Variants in RNF207 observed in about 807,000 individuals in gnomAD.
RNF207 encodes OTTHUMG00000001089.
In RNF207, 72 loss-of-function variants were observed where a neutral mutation model predicts 79.0. The ratio of observed to expected loss-of-function variants is 0.91; its 90% confidence interval spans 0.75 to 1.11. RNF207 has a LOEUF of 1.11. Among genes scored for constraint, RNF207 ranks in the 50% least tolerant of loss-of-function variants. The pLI is 0.00. For missense variants in RNF207, 936 were observed against 855.8 expected, an observed-to-expected ratio of 1.09 and a Z score of -1.17; for synonymous variants, 348 against 366.2, an observed-to-expected ratio of 0.95 and a Z score of 0.57.
intron 16 of RNF207, among the ~76,000 whole-genome samples, chr1:6,215,700 G>A (rs532483832): frequency 2.6e-5 from 4 of 152,176 alleles, no homozygotes; most frequent in East Asian, 1.9e-4. Context: ...TCGCTCTGCC[G>A]CCCAGGCTGG....
chr1:6,207,879 C>G lies in RNF207; in HGVS notation c.324+368C>G, dbSNP rs1468888570. 2 of 419,232 alleles carry G rather than the reference C, an allele frequency of 4.8e-6. No homozygotes were observed. The highest frequency in any genetic ancestry group is 6.0e-5 in the East Asian group (1 of 16,792). The allele number at this position is 419,232 out of a possible 1,614,324, so 26.0% of individuals were successfully genotyped here. A position where few individuals can be genotyped will look rare whatever the true frequency, so the allele number is the denominator to read the frequency against. The stretch of plus-strand genomic sequence containing the variant: ...CCAAGTGGCATAGAAGCAGCTACAG[C>G]CCAGGGGAGGTGGGGACAGCATGCT... On this transcript the variant is annotated intron_variant, in intron 3 of 17. Transcript: ENST00000377939. The surrounding 1 kb of genome is among the most constrained non-coding windows in gnomAD (Gnocchi z 4.5).
chr1:6,209,501 G>T lies in RNF207; in HGVS notation c.715G>T (p.Glu239Ter). The T allele has an allele frequency of 1.4e-6, 2 of 1,477,748 alleles. No individual in the cohort carries two copies. Among genetic ancestry groups the T allele is most frequent in the Non-Finnish European group, 1.8e-6 (2 of 1,123,390 alleles). 91.5% of individuals were successfully genotyped at this position (1,477,748 alleles called of 1,614,324 possible). A position where few individuals can be genotyped will look rare whatever the true frequency, so the allele number is the denominator to read the frequency against. The part of the protein sequence containing the change: ...VEEVRHSAAE[E>*]EDAIHALFGS... ...GGAGGTGCGGCACAGCGCCGCCGAG[G>T]AGGAGGACGCTATCCACGCCCTCTT... The change falls in exon 7 of 18, where the codon GAG becomes TAG. Residue 239 changes from glutamate (E) to a stop codon, truncating the protein, a stop_gained. Transcript: ENST00000377939. LOFTEE classifies it high-confidence loss of function.
Position 6,206,548 on chromosome 1 carries a change from A to C in RNF207, c.13A>C (p.Ile5Leu). Reference sequence around the variant, plus strand: ...GCTGTCGCTGCAGATGTCGGGAGCTATCTTCGGGCCCCTGGAGGGCCCGAG... The same window carrying C: ...GCTGTCGCTGCAGATGTCGGGAGCTCTCTTCGGGCCCCTGGAGGGCCCGAG... MSGA[I>L]FGPLEGPSSL... The change falls in exon 2 of 18, where the codon ATC becomes CTC. Residue 5 changes from isoleucine to leucine, a missense_variant. Physicochemically the swap from Ile to Leu is conservative, Grantham distance 5 (BLOSUM62 2). Coordinates refer to ENST00000377939, the MANE Select transcript of RNF207 (RefSeq NM_207396.3). The C allele has an allele frequency of 6.3e-7, 1 of 1,582,982 alleles. No homozygotes were observed. The highest frequency in any genetic ancestry group is 1.1e-5 in the South Asian group (1 of 89,366).
intron 8 of RNF207, 60 bp from the exon 9 acceptor site, chr1:6,210,163 G>A (rs1004201082): frequency 1.3e-5 from 19 of 1,469,256 alleles, no homozygotes; most frequent in Non-Finnish European, 1.7e-5. Flanking sequence ...GCGGGTGGGG[G>A]ATGGAACTGC....
chr1:6,216,220 G>A (rs1668355593), intron 16 of RNF207, among the ~76,000 whole-genome samples: 1 of 152,164 alleles, frequency 6.6e-6, no homozygotes, highest in Admixed American at 6.5e-5. Flanking sequence ...ACTGGAAGGG[G>A]ACATGAAGGG....
intron 16 of RNF207, among the ~76,000 whole-genome samples, 180 bp from the exon 17 acceptor site, chr1:6,218,109 G>A (rs928172772): frequency 9.2e-5 from 14 of 152,380 alleles, no homozygotes; most frequent in South Asian, 4.1e-4. Flanking sequence ...TCTCCTGCAC[G>A]CCATGCAGGC....
chr1:6,214,504 C>T (rs12065613), intron 16 of RNF207, among the ~76,000 whole-genome samples: 3 of 151,206 alleles, frequency 2.0e-5, no homozygotes, highest in Admixed American at 6.6e-5. Context: ...CTGGGTTCAA[C>T]TGATTCTCCT....
Position 6,219,308 on chromosome 1 carries a change from C to T in RNF207, c.1806C>T (p.Asn602=), listed in dbSNP as rs1423488370. The change falls in exon 18 of 18, where the codon AAC becomes AAT. Residue 602 remains asparagine, a synonymous_variant. Coordinates refer to ENST00000377939, the MANE Select transcript of RNF207 (RefSeq NM_207396.3). ...SEPKGNSWAP[N]GLSEEPLLKN... is the part of the protein sequence containing the mutation. ...CTAAAGGAAACAGCTGGGCTCCGAA[C>T]GGCCTCTCAGAAGAGCCTCTACTGA... 1.9e-5 allele frequency: 31 copies of T among 1,613,118 alleles called. No individual in the cohort carries two copies. The highest frequency in any genetic ancestry group is 2.4e-5 in the Non-Finnish European group (28 of 1,179,482).
chr1:6,210,799 C>T (rs1473832218), intron 10 of RNF207, 71 bp from the exon 11 acceptor site: 18 of 1,358,084 alleles, frequency 1.3e-5, no homozygotes, highest in Non-Finnish European at 1.1e-5. Context: ...CGTGCTCCGC[C>T]TCCATCTCCC....
chr1:6,212,003 G>A lies in RNF207; in HGVS notation c.1246G>A (p.Glu416Lys), dbSNP rs199839801. 106 of 1,592,118 alleles carry A rather than the reference G, an allele frequency of 6.7e-5. No homozygotes were observed. Among genetic ancestry groups the A allele is most frequent in the South Asian group, 7.9e-5 (7 of 88,358 alleles). The change falls in exon 13 of 18, where the codon GAG becomes AAG. Residue 416 changes from glutamate (E) to lysine (K), a missense_variant. By Grantham distance (56) the Glu-to-Lys change is moderately conservative. Coordinates refer to ENST00000377939, the MANE Select transcript of RNF207 (RefSeq NM_207396.3). Reference sequence around the variant, plus strand: ...CACCAAGGTGCTGCTGGCGGAGGGCGAGAACACGCCCTTCGCAGAGCACTG... The same window carrying A: ...CACCAAGGTGCTGCTGGCGGAGGGCAAGAACACGCCCTTCGCAGAGCACTG... ...ISTKVLLAEG[E>K]NTPFAEHCRH...
rs1381077868 is a variant in RNF207 at position 6,207,470 on chromosome 1, G to A, written c.283G>A (p.Ala95Thr). 3 of 1,594,294 alleles carry A rather than the reference G, an allele frequency of 1.9e-6. No individual in the cohort carries two copies. Among genetic ancestry groups the A allele is most frequent in the South Asian group, 2.3e-5 (2 of 87,720 alleles). ...GGACAGCTCAGGGGATGGCGTGGAG[G>A]CGGTGCGCTGTGCCAACTGTGACCT... ...LVDSSGDGVE[A>T]VRCANCDLEC... is the part of the protein sequence containing the mutation. The change falls in exon 3 of 18, where the codon GCG becomes ACG. Residue 95 changes from alanine to threonine, a missense_variant. Ala to Thr is a moderately conservative substitution (Grantham distance 58). Transcript: ENST00000377939. The surrounding 1 kb of genome is among the most constrained non-coding windows in gnomAD (Gnocchi z 4.5).
rs780572321 is a variant in RNF207, at chr1:6,210,206, C to A, written c.801-17C>A. ...TGCTCCTGGCCCCCTGGAAACCAGG[C>A]AGCCCCCCTCCCCCAGCCAATACGA... On this transcript the variant is annotated splice_polypyrimidine_tract_variant and intron_variant, in intron 8 of 17. Transcript: ENST00000377939. 1.9e-6 allele frequency: 3 copies of A among 1,607,650 alleles called. No individual in the cohort carries two copies. The highest frequency in any genetic ancestry group is 1.1e-5 in the South Asian group (1 of 90,666).
chr1:6,209,853 C>CCG (rs1553147837), intron 7 of RNF207, 71 bp from the exon 8 acceptor site: 3 of 1,490,208 alleles, frequency 2.0e-6, no homozygotes, highest in African/African-American at 2.8e-5. Flanking sequence ...GGCTGGGGTC[C>CCG]GGGGGGTAGG....
At chr1:6,214,292 C>T (rs1033408186) in intron 16 of RNF207, among the ~76,000 whole-genome samples, 1 of 152,174 alleles carries the variant, frequency 6.6e-6, no homozygotes, top group Non-Finnish European at 1.5e-5. Context: ...TCTCTTTGCT[C>T]CCAGTGTTCT....
At position 6,207,367 on chromosome 1, in the gene RNF207, G is replaced by A; in HGVS notation, c.192-12G>A. On this transcript the variant is annotated splice_polypyrimidine_tract_variant and intron_variant, in intron 2 of 17. Coordinates refer to ENST00000377939, the MANE Select transcript of RNF207 (RefSeq NM_207396.3). The surrounding 1 kb of genome is among the most constrained non-coding windows in gnomAD (Gnocchi z 4.5). ...GGGGTATCAGAATCTCGGGGCCTGG[G>A]CTTCTCTGCAGACACCAGACGGTGC... The A allele has an allele frequency of 1.3e-5, 20 of 1,502,444 alleles. No individual in the cohort carries two copies. Among genetic ancestry groups the A allele is most frequent in the Non-Finnish European group, 1.7e-5 (19 of 1,125,790 alleles). The allele number at this position is 1,502,444 out of a possible 1,614,324, so 93.1% of individuals were successfully genotyped here.
Position 6,208,869 on chromosome 1 carries a change from C to T in RNF207, c.325-12C>T, listed in dbSNP as rs759787374. 2.0e-6 allele frequency: 3 copies of T among 1,523,264 alleles called. No individual in the cohort carries two copies. The highest frequency in any genetic ancestry group is 2.8e-5 in the African/African-American group (2 of 71,170). The allele number at this position is 1,523,264 out of a possible 1,614,324, so 94.4% of individuals were successfully genotyped here. A position where few individuals can be genotyped will look rare whatever the true frequency, so the allele number is the denominator to read the frequency against. ...GGGCTCTGGCGCTCCTGAGCCCGCG[C>T]TCGGCCCGCAGGACGTGGAGACCAC... On this transcript the variant is annotated splice_polypyrimidine_tract_variant and intron_variant, in intron 3 of 17. Coordinates refer to ENST00000377939, the MANE Select transcript of RNF207 (RefSeq NM_207396.3).
Position 6,210,917 on chromosome 1 carries a change from A to T in RNF207, c.990A>T (p.Leu330=), listed in dbSNP as rs565050335. 19 of 1,606,954 alleles carry T rather than the reference A, an allele frequency of 1.2e-5. No individual in the cohort carries two copies. The South Asian group carries it at 2.0e-4, about 17-fold the overall frequency. The part of the protein sequence containing the change: ...LQGIVTRPHH[L]RPIQSSKIAS... The stretch of plus-strand genomic sequence containing the variant: ...GCATCGTCACGCGGCCGCACCACCT[A>T]AGGCCTATTCAGAGCAGCAAGGTGT... Residue 330 remains leucine (L), a synonymous_variant, in exon 11 of 18, where the codon CTA becomes CTT. Transcript: ENST00000377939.
rs551888074 is a variant in RNF207 at position 6,218,558 on chromosome 1, A to G, written c.1733+189A>G. On this transcript the variant is annotated intron_variant, in intron 17 of 17. Coordinates refer to ENST00000377939, the MANE Select transcript of RNF207 (RefSeq NM_207396.3). The stretch of plus-strand genomic sequence containing the variant: ...GTAACTTATAAGTGACCTCATAGAT[A>G]AAACAGGTGTTCCTTTGATAGACAG... Among the ~76,000 whole-genome samples the G allele has an allele frequency of 6.6e-5, 10 of 152,336 alleles. No individual in the cohort carries two copies. In the South Asian group the frequency reaches 1.7e-3, roughly 25 times the overall value.
At chr1:6,212,812 G>C in intron 15 of RNF207, 79 bp downstream of exon 15, 2 of 1,220,500 alleles carry the variant, frequency 1.6e-6, no homozygotes, top group South Asian at 1.2e-5. Context: ...AGTCAGAGTC[G>C]GCCACTAACC....
Sources: gnomAD v4.1 joint callset for allele counts (sites outside exome capture counted in the v4.1 genomes callset) on GRCh38, gnomAD v4.1.1 for gene constraint, Gnocchi (gnomAD v3.1) non-coding constraint, MANE v1.5 for transcripts, NCBI Gene and HGNC (gene_info 2026-07-23, HGNC 2026-07-21) for gene names.